TMTC2: variants seen among roughly 807,000 people sequenced by gnomAD.
The protein encoded by TMTC2 is transmembrane O-mannosyltransferase targeting cadherins 2, also known as protein O-mannosyl-transferase TMTC2.
Under a neutral mutation model 82.4 loss-of-function variants are expected in TMTC2, and 43 were observed. That is an observed-to-expected ratio of 0.52 (90% CI 0.41 to 0.67). The LOEUF is 0.67. Ranked by LOEUF, TMTC2 falls within the 30% of genes least tolerant of loss-of-function variation. The probability of loss-of-function intolerance (pLI) is 0.00; values close to 1 mark genes in which losing one functional copy is unlikely to be tolerated. For missense variants in TMTC2, 919 were observed against 1,012.4 expected (o/e 0.91, Z 1.25); for synonymous variants, 408 against 381.9 (o/e 1.07, Z -0.80).
chr12:82,952,832 C>T lies in TMTC2; in HGVS notation c.1599-12192C>T, dbSNP rs907285035. Among the ~76,000 whole-genome samples, 24 of 152,246 alleles carry T rather than the reference C, an allele frequency of 1.6e-4. No homozygotes were observed. In the South Asian group the frequency reaches 4.6e-3, roughly 29 times the overall value. On this transcript the variant is annotated intron_variant, in intron 4 of 11. Coordinates refer to ENST00000321196, the MANE Select transcript of TMTC2 (RefSeq NM_152588.3). Reference sequence around the variant, plus strand: ...AGGTGATCCACCCACCTCGGCCTCCCAAAGTGCTGGGATTACAGCCATGAG... The same window carrying T: ...AGGTGATCCACCCACCTCGGCCTCCTAAAGTGCTGGGATTACAGCCATGAG...
intron 11 of TMTC2, among the ~76,000 whole-genome samples, chr12:83,099,381 C>T (rs751382028): frequency 2.6e-5 from 4 of 152,028 alleles, no homozygotes; most frequent in African/African-American, 4.8e-5. Context: ...ATTCTTACTG[C>T]GCACAACATC....
chr12:83,008,619 A>T (rs1623131), intron 8 of TMTC2, among the ~76,000 whole-genome samples: 4,962 of 152,212 alleles, frequency 0.033, 272 homozygotes, highest in African/African-American at 0.11. Flanking sequence ...TTCATATTCC[A>T]ACATGTAAGT....
chr12:82,773,616 AGGCCCAGCTAGTT>A (rs983848895), intron 1 of TMTC2, among the ~76,000 whole-genome samples: 1 of 151,976 alleles, frequency 6.6e-6, no homozygotes, highest in African/African-American at 2.4e-5. Flanking sequence ...GTGTGCCACC[AGGCCCAGCTAGTT>A]GTTGTATTTT....
chr12:82,718,868 A>C lies in TMTC2; in HGVS notation c.83+31199A>C, dbSNP rs1874027012. Among the ~76,000 whole-genome samples the C allele has an allele frequency of 6.6e-5, 10 of 151,942 alleles. No homozygotes were observed. In the South Asian group the frequency reaches 2.1e-3, roughly 31 times the overall value. Reference sequence around the variant, plus strand: ...GATTCATATAGAAATTGTGGATCCAAATAAACAGATTAAACATAGGATTTA... The same window carrying C: ...GATTCATATAGAAATTGTGGATCCACATAAACAGATTAAACATAGGATTTA... On this transcript the variant is annotated intron_variant, in intron 1 of 11. Coordinates refer to ENST00000321196, the MANE Select transcript of TMTC2 (RefSeq NM_152588.3).
chr12:82,725,856 A>G (rs1012459419), intron 1 of TMTC2, among the ~76,000 whole-genome samples: 12 of 152,240 alleles, frequency 7.9e-5, no homozygotes, highest in Non-Finnish European at 1.5e-5. Context: ...GTTCGGATTA[A>G]GATAAAAGAC....
rs916731177 is a variant in TMTC2 at position 82,895,722 on chromosome 12, G to C, written c.655-96G>C. 11 of 1,101,256 alleles carry C rather than the reference G, an allele frequency of 1.0e-5. No individual in the cohort carries two copies. In the African/African-American group the frequency reaches 1.6e-4, roughly 16 times the overall value. 68.2% of individuals were successfully genotyped at this position (1,101,256 alleles called of 1,614,324 possible). On this transcript the variant is annotated intron_variant, in intron 2 of 11. Coordinates refer to ENST00000321196, the MANE Select transcript of TMTC2 (RefSeq NM_152588.3). ...GGAGACATCATGCTGTGTTTTTAAC[G>C]GTCCATTTAAAAATGTATTTTATCT...
At chr12:82,864,661 C>G (rs1871737705) in intron 2 of TMTC2, among the ~76,000 whole-genome samples, 1 of 151,278 alleles carries the variant, frequency 6.6e-6, no homozygotes. Context: ...ACCACCATGC[C>G]CAGCTAATTT....
At chr12:82,839,444 C>T (rs1452066154) in intron 1 of TMTC2, among the ~76,000 whole-genome samples, 2 of 152,078 alleles carry the variant, frequency 1.3e-5, no homozygotes, top group African/African-American at 4.8e-5. Flanking sequence ...AAATTATAGC[C>T]AATTTACTCC....
chr12:82,900,517 T>G (rs1158064432), intron 3 of TMTC2, among the ~76,000 whole-genome samples: 23 of 95,338 alleles, frequency 2.4e-4, no homozygotes, highest in Non-Finnish European at 4.2e-4. Context: ...ATCCGGAATA[T>G]AGATATGTAG....
chr12:82,973,572 T>A (rs1878538978), intron 7 of TMTC2, among the ~76,000 whole-genome samples: 1 of 152,190 alleles, frequency 6.6e-6, no homozygotes, highest in African/African-American at 2.4e-5. Flanking sequence ...AAGTGCAGTT[T>A]TTAAAATATA....
chr12:82,977,520 A>G (rs1437341014), intron 7 of TMTC2, among the ~76,000 whole-genome samples: 2 of 151,872 alleles, frequency 1.3e-5, no homozygotes, highest in African/African-American at 4.8e-5. Context: ...GTTGATCTAG[A>G]CAATTGAGTA....
chr12:83,132,239 C>T lies in TMTC2; in HGVS notation c.2361C>T (p.Ala787=), dbSNP rs1885278829. The T allele has an allele frequency of 6.2e-7, 1 of 1,612,684 alleles. No homozygotes were observed. The highest frequency in any genetic ancestry group is 8.5e-7 in the Non-Finnish European group (1 of 1,179,514). ...CGGCTGCTTTGATGAACCTGGGAGC[C>T]ATTCTGCACCTCAATGGCAGACTCC... ...NYPAALMNLG[A]ILHLNGRLQK... The change falls in exon 12 of 12, where the codon GCC becomes GCT. Residue 787 remains alanine, a synonymous_variant. Coordinates refer to ENST00000321196, the MANE Select transcript of TMTC2 (RefSeq NM_152588.3).
In TMTC2 at chr12:83,134,146, T is replaced by A. The variant is rs1405214183; in HGVS notation, c.*1757T>A. 1 of 152,634 alleles carries A rather than the reference T, an allele frequency of 6.6e-6. No individual in the cohort carries two copies. Among genetic ancestry groups the A allele is most frequent in the Non-Finnish European group, 1.5e-5 (1 of 68,040 alleles). The allele number at this position is 152,634 out of a possible 1,614,324, so 9.5% of individuals were successfully genotyped here. Reference sequence around the variant, plus strand: ...AGCCCTTCTGTAATATATATATTATTTTGTAAACATTTCACTGAAGGGCCA... The same window carrying A: ...AGCCCTTCTGTAATATATATATTATATTGTAAACATTTCACTGAAGGGCCA... On this transcript the variant is annotated 3_prime_UTR_variant, in exon 12 of 12. Coordinates refer to ENST00000321196, the MANE Select transcript of TMTC2 (RefSeq NM_152588.3).
chr12:82,945,089 A>G (rs1394366649), intron 4 of TMTC2, among the ~76,000 whole-genome samples: 1 of 152,160 alleles, frequency 6.6e-6, no homozygotes, highest in African/African-American at 2.4e-5. Flanking sequence ...AGCAATGGAA[A>G]TTGGTGTCTA....
intron 1 of TMTC2, among the ~76,000 whole-genome samples, chr12:82,736,000 C>T (rs1444918875): frequency 7.7e-6 from 1 of 129,326 alleles, no homozygotes; most frequent in African/African-American, 2.8e-5. Flanking sequence ...CACACACACA[C>T]ACAATTATCT....
chr12:83,036,478 C>CTTTTTTTTTTTTTTTTTTTTTTCTTTTTT (rs1332894300), intron 9 of TMTC2, among the ~76,000 whole-genome samples: 1 of 103,218 alleles, frequency 9.7e-6, no homozygotes. Context: ...GTCCCCGAGT[C>CTTTTTTTTTTTTTTTTTTTTTTCTTTTTT]TTTTTTTTTT....
intron 1 of TMTC2, among the ~76,000 whole-genome samples, chr12:82,803,556 G>A (rs899614436): frequency 6.6e-6 from 1 of 152,100 alleles, no homozygotes; most frequent in East Asian, 1.9e-4. Context: ...GGAATTGGAT[G>A]AGTAGGCTTG....
intron 11 of TMTC2, among the ~76,000 whole-genome samples, chr12:83,128,365 A>G (rs920029882): frequency 2.6e-5 from 4 of 152,070 alleles, no homozygotes; most frequent in Non-Finnish European, 5.9e-5. Flanking sequence ...TTCATACCTT[A>G]TCCTTCTGTC....
At chr12:82,963,792 C>CATATAT (rs58960088) in intron 4 of TMTC2, among the ~76,000 whole-genome samples, 3 of 53,020 alleles carry the variant, frequency 5.7e-5, no homozygotes, top group Non-Finnish European at 9.1e-5. Flanking sequence ...TCCAGATTTT[C>CATATAT]ATATATATAT....
Sources: gnomAD v4.1 joint callset for allele counts (sites outside exome capture counted in the v4.1 genomes callset) on GRCh38, gnomAD v4.1.1 for gene constraint, MANE v1.5 for transcripts, NCBI Gene and HGNC (gene_info 2026-07-23, HGNC 2026-07-21) for gene names.